Variants in JAKMIP2 observed in about 807,000 individuals in gnomAD.
JAKMIP2 encodes the protein janus kinase and microtubule interacting protein 2, also known as janus kinase and microtubule-interacting protein 2.
In JAKMIP2, 25 loss-of-function variants were observed where a neutral mutation model predicts 115.0. The ratio of observed to expected loss-of-function variants is 0.22; its 90% CI spans 0.16 to 0.30. JAKMIP2 has a LOEUF of 0.30. Ranked by LOEUF, JAKMIP2 falls within the 10% of genes least tolerant of loss-of-function variation. JAKMIP2 has a pLI of 1.00. For missense variants in JAKMIP2, 642 were observed against 957.6 expected (o/e 0.67, Z 4.35); for synonymous variants, 334 against 343.6 (o/e 0.97, Z 0.31).
chr5:147,699,219 G>C (rs1398431752), intron 1 of JAKMIP2, among the ~76,000 whole-genome samples: 3 of 152,294 alleles, frequency 2.0e-5, no homozygotes, highest in South Asian at 2.1e-4. Context: ...GTTCTGATTT[G>C]GTAGGTTGAA....
intron 4 of JAKMIP2, 51 bp from the exon 5 acceptor site, chr5:147,648,525 G>T: frequency 1.0e-6 from 1 of 1,003,792 alleles, no homozygotes; most frequent in Non-Finnish European, 1.6e-6. Flanking sequence ...TTTTCACAAA[G>T]TTTGGGAATA....
intron 20 of JAKMIP2, among the ~76,000 whole-genome samples, chr5:147,608,660 G>A (rs1756152930): frequency 6.6e-6 from 1 of 152,118 alleles, no homozygotes; most frequent in Admixed American, 6.5e-5. Flanking sequence ...GTTGATTTGG[G>A]GTGGAGAGTT....
chr5:147,604,043 A>G (rs1344956023), intron 20 of JAKMIP2, among the ~76,000 whole-genome samples: 2 of 151,946 alleles, frequency 1.3e-5, no homozygotes, highest in Admixed American at 6.6e-5. Context: ...ATGAATTAGC[A>G]GAGAGAGAGA....
At chr5:147,747,242 A>T (rs1324400139) in intron 1 of JAKMIP2, among the ~76,000 whole-genome samples, 4 of 152,056 alleles carry the variant, frequency 2.6e-5, no homozygotes, top group African/African-American at 9.7e-5. Flanking sequence ...CAATCAACCC[A>T]CAGAAATGAT....
intron 21 of JAKMIP2, among the ~76,000 whole-genome samples, chr5:147,596,983 C>T (rs1442993437): frequency 6.6e-6 from 1 of 151,998 alleles, no homozygotes; most frequent in Non-Finnish European, 1.5e-5. Context: ...AGTGATTCTC[C>T]TGCCTTAGCC....
chr5:147,768,042 A>C (rs1755214465), intron 1 of JAKMIP2, among the ~76,000 whole-genome samples: 1 of 152,094 alleles, frequency 6.6e-6, no homozygotes, highest in South Asian at 2.1e-4. Flanking sequence ...TTTAACTTTA[A>C]GGCAAGACAG....
chr5:147,773,644 G>A (rs993365038), intron 1 of JAKMIP2, among the ~76,000 whole-genome samples: 1 of 152,114 alleles, frequency 6.6e-6, no homozygotes, highest in Admixed American at 6.6e-5. Context: ...AGATTAAACA[G>A]TATATATGTA....
At chr5:147,598,127 A>G (rs1164355522) in intron 21 of JAKMIP2, among the ~76,000 whole-genome samples, 1 of 152,002 alleles carries the variant, frequency 6.6e-6, no homozygotes, top group Non-Finnish European at 1.5e-5. Flanking sequence ...GCCTCCCAAA[A>G]GTAGCTGGGA....
intron 1 of JAKMIP2, among the ~76,000 whole-genome samples, chr5:147,752,068 G>T (rs528816868): frequency 6.6e-6 from 1 of 152,196 alleles, no homozygotes; most frequent in Admixed American, 6.5e-5. Flanking sequence ...ATAAAATAGA[G>T]GAATGGATGA....
At chr5:147,596,748 A>G (rs6866466) in intron 21 of JAKMIP2, among the ~76,000 whole-genome samples, 2,065 of 152,346 alleles carry the variant, frequency 0.014, 61 homozygotes, top group East Asian at 0.13. Context: ...AACAATTTAT[A>G]TATGACTGGA....
At chr5:147,606,009 C>A (rs1657769285) in intron 20 of JAKMIP2, among the ~76,000 whole-genome samples, 1 of 152,090 alleles carries the variant, frequency 6.6e-6, no homozygotes, top group Admixed American at 6.6e-5. Context: ...ACATCCTTTG[C>A]CCACTTTTTG....
chr5:147,683,557 G>A (rs908499454), intron 1 of JAKMIP2, among the ~76,000 whole-genome samples: 5 of 152,070 alleles, frequency 3.3e-5, no homozygotes, highest in African/African-American at 1.2e-4. Context: ...TAAAAAAAAT[G>A]CCCAAATTAT....
At chr5:147,607,218 G>C (rs1400984562) in intron 20 of JAKMIP2, among the ~76,000 whole-genome samples, 1 of 152,162 alleles carries the variant, frequency 6.6e-6, no homozygotes, top group African/African-American at 2.4e-5. Flanking sequence ...ATGTTGAATA[G>C]GAGTGGTAAG....
At chr5:147,706,297 T>G (rs1752557462) in intron 1 of JAKMIP2, among the ~76,000 whole-genome samples, 1 of 152,128 alleles carries the variant, frequency 6.6e-6, no homozygotes, top group African/African-American at 2.4e-5. Context: ...TCCCCAAGAC[T>G]GGAGAACCAG....
At chr5:147,740,831 A>C (rs933787377) in intron 1 of JAKMIP2, among the ~76,000 whole-genome samples, 9 of 152,178 alleles carry the variant, frequency 5.9e-5, no homozygotes, top group Non-Finnish European at 1.2e-4. Flanking sequence ...ATCCATCTTG[A>C]AGGGCAAACC....
At chr5:147,742,155 A>ATATATATATATATATATTT in intron 1 of JAKMIP2, among the ~76,000 whole-genome samples, 2 of 108,906 alleles carry the variant, frequency 1.8e-5, no homozygotes, top group African/African-American at 3.8e-5. Context: ...ATATATATAT[A>ATATATATATATATATATTT]TTTTTTTTAC....
At position 147,683,368 on chromosome 5, in the gene JAKMIP2, T is replaced by C. The variant is rs183535311; in HGVS notation, c.-148-11414A>G. ...TTAGCGGGGCGTGGTGGCACCTGCC[T>C]GTAATCTCAGCTATTCGGAAGGTTG... On this transcript the variant is annotated intron_variant, in intron 1 of 21. Coordinates refer to ENST00000616793, the MANE Select transcript of JAKMIP2 (RefSeq NM_001270941.2). Among the ~76,000 whole-genome samples, 28 of 152,296 alleles carry C rather than the reference T, an allele frequency of 1.8e-4. No individual in the cohort carries two copies. The East Asian group carries it at 5.4e-3, about 29-fold the overall frequency.
chr5:147,680,135 G>A (rs1173084317), intron 1 of JAKMIP2, among the ~76,000 whole-genome samples: 2 of 152,136 alleles, frequency 1.3e-5, no homozygotes, highest in Non-Finnish European at 2.9e-5. Context: ...ATGAGTTAAA[G>A]TATATAAGAT....
chr5:147,676,505 C>T (rs998756874), intron 1 of JAKMIP2, among the ~76,000 whole-genome samples: 1 of 152,152 alleles, frequency 6.6e-6, no homozygotes, highest in Non-Finnish European at 1.5e-5. Flanking sequence ...TCTACAGGAG[C>T]TTTACAACAT....
Sources: gnomAD v4.1 joint callset for allele counts (sites outside exome capture counted in the v4.1 genomes callset) on GRCh38, gnomAD v4.1.1 for gene constraint, MANE v1.5 for transcripts, NCBI Gene and HGNC (gene_info 2026-07-23, HGNC 2026-07-21) for gene names.